The following VPS13B variants were observed in gnomAD, a reference collection of about 807,000 sequenced individuals.
The protein encoded by VPS13B is intermembrane lipid transfer protein VPS13B.
In VPS13B, 285 loss-of-function variants were observed where a neutral mutation model predicts 426.4. That is an observed-to-expected ratio of 0.67 (90% CI 0.61 to 0.74). The LOEUF is 0.74. Ranked by LOEUF, VPS13B falls within the 30% of genes least tolerant of loss-of-function variation. The pLI, the probability that VPS13B is intolerant of heterozygous loss-of-function variation, is 0.00. For synonymous variants in VPS13B, 1,676 were observed against 1,676.4 expected (o/e 1.00, Z 0.01); for missense variants, 4,537 against 4,782.6 (o/e 0.95, Z 1.51).
At position 99,275,071 on chromosome 8, in the gene VPS13B, T is replaced by G. The variant is rs398124330; in HGVS notation, c.2651-10T>G. 5.7e-6 allele frequency: 9 copies of G among 1,590,154 alleles called. No homozygotes were observed. The highest frequency in any genetic ancestry group is 8.5e-7 in the Non-Finnish European group (1 of 1,170,004). The stretch of plus-strand genomic sequence containing the variant: ...ATTTTTATTATTGTTTTATAAATAT[T>G]TCTTTTCAGTTGATAGTGGAAAAGA... On this transcript the variant is annotated splice_polypyrimidine_tract_variant and intron_variant, in intron 18 of 61. Coordinates refer to ENST00000357162, the MANE Select transcript of VPS13B (RefSeq NM_152564.5).
At chr8:99,127,610 G>T (rs1446338693) in intron 8 of VPS13B, among the ~76,000 whole-genome samples, 1 of 152,142 alleles carries the variant, frequency 6.6e-6, no homozygotes, top group Non-Finnish European at 1.5e-5. Flanking sequence ...GCAACTTATA[G>T]ACCAGTAGTT....
chr8:99,330,314 T>C (rs1456529710), intron 19 of VPS13B, among the ~76,000 whole-genome samples: 1 of 151,886 alleles, frequency 6.6e-6, no homozygotes, highest in Non-Finnish European at 1.5e-5. Context: ...AGAGAATGAA[T>C]GATGAGGCCA....
intron 6 of VPS13B, among the ~76,000 whole-genome samples, chr8:99,112,079 TC>T (rs1034367887): frequency 6.6e-6 from 1 of 152,222 alleles, no homozygotes; most frequent in African/African-American, 2.4e-5. Flanking sequence ...AAATTTTCTG[TC>T]CAATGTAGTG....
At chr8:99,658,584 A>G (rs1196679128) in intron 34 of VPS13B, among the ~76,000 whole-genome samples, 1 of 152,032 alleles carries the variant, frequency 6.6e-6, no homozygotes, top group African/African-American at 2.4e-5. Flanking sequence ...GTTGTTTTCT[A>G]TTTTTGCTAT....
At chr8:99,540,148 C>T (rs1314876702) in intron 30 of VPS13B, among the ~76,000 whole-genome samples, 3 of 131,100 alleles carry the variant, frequency 2.3e-5, no homozygotes, top group East Asian at 2.4e-4. Flanking sequence ...GGTGCGATCT[C>T]GACTCACTGC....
chr8:99,407,573 G>A (rs950891817), intron 21 of VPS13B, among the ~76,000 whole-genome samples: 2 of 151,878 alleles, frequency 1.3e-5, no homozygotes, highest in African/African-American at 2.4e-5. Context: ...TGAACTAAGC[G>A]ACTTTTCCAT....
intron 19 of VPS13B, among the ~76,000 whole-genome samples, chr8:99,312,955 C>T (rs1451208158): frequency 3.9e-5 from 6 of 152,168 alleles, no homozygotes; most frequent in South Asian, 2.1e-4. Flanking sequence ...TCCAGTTGAT[C>T]GAATCGGCTA....
chr8:99,458,179 G>A (rs1469257281), intron 23 of VPS13B, among the ~76,000 whole-genome samples: 1 of 146,088 alleles, frequency 6.8e-6, no homozygotes. Flanking sequence ...TTGGTTTTTT[G>A]TCCTTGTGAT....
At chr8:99,869,313 A>G (rs1052250895) in intron 59 of VPS13B, among the ~76,000 whole-genome samples, 4 of 152,150 alleles carry the variant, frequency 2.6e-5, no homozygotes, top group Admixed American at 6.5e-5. Context: ...CATAAAGCCC[A>G]TGGGATGTGT....
chr8:99,299,985 T>C (rs1343739218), intron 19 of VPS13B, among the ~76,000 whole-genome samples: 1 of 152,220 alleles, frequency 6.6e-6, no homozygotes, highest in Non-Finnish European at 1.5e-5. Context: ...TTTTGTTATA[T>C]GATCATATAA....
chr8:99,674,760 T>A (rs1054872766), intron 35 of VPS13B, among the ~76,000 whole-genome samples: 3 of 152,072 alleles, frequency 2.0e-5, no homozygotes, highest in African/African-American at 7.2e-5. Flanking sequence ...ATGAGGCATA[T>A]CAAAAAATCT....
At chr8:99,364,638 G>A (rs1812749070) in intron 19 of VPS13B, among the ~76,000 whole-genome samples, 1 of 152,020 alleles carries the variant, frequency 6.6e-6, no homozygotes, top group Non-Finnish European at 1.5e-5. Context: ...TCGCCATATT[G>A]CCCAGGCTGG....
At chr8:99,170,662 C>T (rs1330455794) in intron 16 of VPS13B, among the ~76,000 whole-genome samples, 2 of 151,456 alleles carry the variant, frequency 1.3e-5, no homozygotes, top group Non-Finnish European at 3.0e-5. Context: ...ATTTTCATTC[C>T]GAATTGAATG....
At position 99,853,528 on chromosome 8, in the gene VPS13B, A is replaced by G. The variant is rs896072325; in HGVS notation, c.10139A>G (p.His3380Arg). 5 of 1,614,214 alleles carry G rather than the reference A, an allele frequency of 3.1e-6. No individual in the cohort carries two copies. Among genetic ancestry groups the G allele is most frequent in the Non-Finnish European group, 4.2e-6 (5 of 1,180,034 alleles). The change falls in exon 56 of 62, where the codon CAC becomes CGC. Residue 3380 changes from histidine (H) to arginine (R), a missense_variant. Transcript: ENST00000357162. Reference sequence around the variant, plus strand: ...GCAGTGTTTGATGACCTCACCCACCACAAAGCATCAGCTGAGCTTCTGAGA... The same window carrying G: ...GCAGTGTTTGATGACCTCACCCACCGCAAAGCATCAGCTGAGCTTCTGAGA... ...SLAVFDDLTH[H>R]KASAELLRLT... is the part of the protein sequence containing the mutation.
At position 99,818,439 on chromosome 8, in the gene VPS13B, T is replaced by C. The variant is rs754441677; in HGVS notation, c.8362-12T>C. 6.2e-7 allele frequency: 1 copy of C among 1,613,730 alleles called. No homozygotes were observed. The highest frequency in any genetic ancestry group is 2.2e-5 in the East Asian group (1 of 44,852). ...TAGTATTCAATAGGACCCTTTGCTATTTCATGTGCAGGTGCCATCTTCAAA... is the reference window on the plus strand; with the variant it reads ...TAGTATTCAATAGGACCCTTTGCTACTTCATGTGCAGGTGCCATCTTCAAA... On this transcript the variant is annotated splice_polypyrimidine_tract_variant and intron_variant, in intron 45 of 61. Coordinates refer to ENST00000357162, the MANE Select transcript of VPS13B (RefSeq NM_152564.5).
chr8:99,721,946 T>G (rs1833149673), intron 39 of VPS13B, among the ~76,000 whole-genome samples: 2 of 152,246 alleles, frequency 1.3e-5, no homozygotes, highest in African/African-American at 4.8e-5. Flanking sequence ...GCAGCTAAAC[T>G]GATATTTTTT....
At chr8:99,134,544 C>A (rs1433165472) in intron 8 of VPS13B, 88 bp from the exon 9 acceptor site, 15 of 1,071,116 alleles carry the variant, frequency 1.4e-5, no homozygotes, top group Non-Finnish European at 2.0e-5. Context: ...TTAAAATTGG[C>A]CTTGTTTTAA....
At chr8:99,204,223 A>C (rs187617166) in intron 17 of VPS13B, among the ~76,000 whole-genome samples, 236 of 152,320 alleles carry the variant, frequency 1.5e-3, no homozygotes, top group African/African-American at 5.2e-3. Flanking sequence ...CAACCATCTG[A>C]TCTTTGACAA....
At chr8:99,842,256 T>C (rs1055698119) in intron 54 of VPS13B, among the ~76,000 whole-genome samples, 8 of 152,314 alleles carry the variant, frequency 5.3e-5, no homozygotes, top group Admixed American at 3.9e-4. Flanking sequence ...CAGATCAGTT[T>C]AGACATATCA....
Sources: gnomAD v4.1 joint callset for allele counts (sites outside exome capture counted in the v4.1 genomes callset) on GRCh38, gnomAD v4.1.1 for gene constraint, MANE v1.5 for transcripts, NCBI Gene and HGNC (gene_info 2026-07-23, HGNC 2026-07-21) for gene names.